Variants in ABCA13 observed in about 807,000 individuals in gnomAD.
ABCA13 encodes ATP binding cassette subfamily A member 13.
A neutral mutation model predicts 478.7 loss-of-function variants in ABCA13; 476 were observed. The observed-to-expected ratio is 0.99, with a 90% CI of 0.92 to 1.07. The LOEUF (loss-of-function observed/expected upper bound fraction) is 1.07. Ranked by LOEUF, ABCA13 falls within the 50% of genes least tolerant of loss-of-function variation. ABCA13 has a pLI of 0.00. For missense variants in ABCA13, 6,060 were observed against 5,910.6 expected (o/e 1.03, Z -0.83); for synonymous variants, 2,252 against 2,158.9 (o/e 1.04, Z -1.20).
chr7:48,354,689 TGAA>T (rs1415092157), intron 31 of ABCA13, among the ~76,000 whole-genome samples: 2 of 152,082 alleles, frequency 1.3e-5, no homozygotes, highest in Non-Finnish European at 2.9e-5. Flanking sequence ...TTGAGAAAGA[TGAA>T]GAAGTATTTT....
intron 55 of ABCA13, among the ~76,000 whole-genome samples, chr7:48,571,222 A>G (rs1158974383): frequency 6.6e-6 from 1 of 152,206 alleles, no homozygotes; most frequent in Non-Finnish European, 1.5e-5. Context: ...TACAAGAAAC[A>G]CGTACATTTA....
At chr7:48,535,737 CAG>C (rs546466697) in intron 55 of ABCA13, among the ~76,000 whole-genome samples, 3 of 152,114 alleles carry the variant, frequency 2.0e-5, no homozygotes, top group African/African-American at 7.2e-5. Flanking sequence ...TTATGTTCCT[CAG>C]GGGATTATGG....
Position 48,350,921 on chromosome 7 carries a change from A to G in ABCA13, c.10381+102A>G, listed in dbSNP as rs548165554. ...AGGTGTCTTATGATAGCTCAGAAAG[A>G]AAAGAAGTCCTTTCCAGATAAAACA... On this transcript the variant is annotated intron_variant, in intron 30 of 61. Coordinates refer to ENST00000435803, the MANE Select transcript of ABCA13 (RefSeq NM_152701.5). The G allele has an allele frequency of 1.5e-5, 18 of 1,191,826 alleles. No homozygotes were observed. In the African/African-American group the frequency reaches 1.9e-4, roughly 12 times the overall value. 73.8% of individuals were successfully genotyped at this position (1,191,826 alleles called of 1,614,324 possible).
intron 48 of ABCA13, among the ~76,000 whole-genome samples, chr7:48,501,603 A>G (rs1830752223): frequency 6.6e-6 from 1 of 152,176 alleles, no homozygotes; most frequent in Non-Finnish European, 1.5e-5. Flanking sequence ...GTGGGGGTTC[A>G]GGTATTTGCA....
chr7:48,192,678 T>C (rs1230451158), intron 1 of ABCA13, among the ~76,000 whole-genome samples: 1 of 152,238 alleles, frequency 6.6e-6, no homozygotes, highest in Non-Finnish European at 1.5e-5. Flanking sequence ...AAGTTATTTA[T>C]TTCTTTAATT....
At chr7:48,435,609 AT>A (rs1401677587) in intron 42 of ABCA13, among the ~76,000 whole-genome samples, 1 of 151,672 alleles carries the variant, frequency 6.6e-6, no homozygotes, top group Non-Finnish European at 1.5e-5. Context: ...TAGAGGAAAC[AT>A]TTTTAGTCTT....
chr7:48,219,219 T>A (rs1786966144), intron 3 of ABCA13, 135 bp from the exon 4 acceptor site: 1 of 808,794 alleles, frequency 1.2e-6, no homozygotes, highest in Non-Finnish European at 1.8e-6. Flanking sequence ...TGAAATGGGC[T>A]CTCAGGGTAG....
rs1029179517 is a variant in ABCA13, at chr7:48,541,694, T to C, written c.14354+13349T>C. 4.9e-5 allele frequency among the ~76,000 whole-genome samples: 7 copies of C among 142,516 alleles called. No homozygotes were observed. The East Asian group carries it at 1.4e-3, about 29-fold the overall frequency. 93.5% of individuals were successfully genotyped at this position (142,516 alleles called of 152,430 possible). A position where few individuals can be genotyped will look rare whatever the true frequency, so the allele number is the denominator to read the frequency against. On this transcript the variant is annotated intron_variant, in intron 55 of 61. Coordinates refer to ENST00000435803, the MANE Select transcript of ABCA13 (RefSeq NM_152701.5). ...AATCAATGAGACAGAACATAAAATA[T>C]TTTAAAAGGGAGAAGAAAAAGAGAT...
chr7:48,494,908 T>A (rs1408265945), intron 48 of ABCA13, among the ~76,000 whole-genome samples: 1 of 152,122 alleles, frequency 6.6e-6, no homozygotes, highest in Admixed American at 6.6e-5. Context: ...ACATGCAGTA[T>A]TCTCTAAGAA....
Position 48,352,356 on chromosome 7 carries a change from A to C in ABCA13, c.10557A>C (p.Lys3519Asn), listed in dbSNP as rs746677896. 1 of 1,613,730 alleles carries C rather than the reference A, an allele frequency of 6.2e-7. No homozygotes were observed. Among genetic ancestry groups the C allele is most frequent in the South Asian group, 1.1e-5 (1 of 91,080 alleles). The change falls in exon 31 of 62, where the codon AAA (lysine) becomes AAC (asparagine). Residue 3519 changes from lysine (K) to asparagine (N), a missense_variant. Transcript: ENST00000435803. The part of the protein sequence containing the change: ...HPQNLPADGF[K>N]YNYVFAPLQD... ...AGAATCTACCAGCTGATGGGTTCAA[A>C]TATAACTACGTCTTTGCCCCACTGC...
intron 59 of ABCA13, among the ~76,000 whole-genome samples, chr7:48,634,824 G>A (rs1355298773): frequency 6.6e-6 from 1 of 152,028 alleles, no homozygotes; most frequent in African/African-American, 2.4e-5. Flanking sequence ...TTGGAATGTT[G>A]TCCCTTCATT....
intron 3 of ABCA13, among the ~76,000 whole-genome samples, chr7:48,201,243 C>T (rs1798661736): frequency 1.3e-5 from 2 of 152,216 alleles, no homozygotes; most frequent in Admixed American, 1.3e-4. Context: ...TACTTAAGAT[C>T]TTTAATTTAT....
At chr7:48,353,531 T>C (rs2128988328) in intron 31 of ABCA13, among the ~76,000 whole-genome samples, 1 of 151,372 alleles carries the variant, frequency 6.6e-6, no homozygotes, top group East Asian at 2.0e-4. Context: ...TAACAACTCA[T>C]GGCACCTCCC....
chr7:48,268,659 G>C (rs1293581380), intron 15 of ABCA13, among the ~76,000 whole-genome samples: 1 of 152,014 alleles, frequency 6.6e-6, no homozygotes, highest in Non-Finnish European at 1.5e-5. Flanking sequence ...CACGTCCACT[G>C]GACTCTGGTG....
intron 3 of ABCA13, among the ~76,000 whole-genome samples, chr7:48,214,269 A>G (rs1316012412): frequency 6.6e-6 from 1 of 152,184 alleles, no homozygotes; most frequent in East Asian, 1.9e-4. Flanking sequence ...ACATGCTGTA[A>G]ACAGAGGTGC....
intron 42 of ABCA13, among the ~76,000 whole-genome samples, chr7:48,446,304 G>C (rs1824292447): frequency 6.7e-6 from 1 of 150,208 alleles, no homozygotes; most frequent in Non-Finnish European, 1.5e-5. Context: ...CAAAGTTTAT[G>C]TGAAAGATCA....
At chr7:48,390,794 A>G (rs1210093448) in intron 37 of ABCA13, among the ~76,000 whole-genome samples, 2 of 152,190 alleles carry the variant, frequency 1.3e-5, no homozygotes, top group African/African-American at 2.4e-5. Context: ...GCTGAGTGGT[A>G]TCCACCATAT....
intron 57 of ABCA13, among the ~76,000 whole-genome samples, chr7:48,590,493 G>T (rs1200835614): frequency 6.6e-6 from 1 of 151,998 alleles, no homozygotes; most frequent in Non-Finnish European, 1.5e-5. Flanking sequence ...ATTTCCTTTG[G>T]ATACACACAC....
chr7:48,272,198 AGG>A lies in ABCA13; in HGVS notation c.2533_2534del (p.Gly845LysfsTer4). Reference protein sequence around the residue: ...LELWAYGISKGKRAKLENFFT... With the variant: ...LELWAYGISKXKRAKLENFFT... ...AATTATGGGCCTATGGCATTTCAAAAGGAAAAAGAGCTAAATTGGAAAACTTC... is the reference window on the plus strand; with the variant it reads ...AATTATGGGCCTATGGCATTTCAAAAAAAAAGAGCTAAATTGGAAAACTTC... On this transcript the variant is annotated frameshift_variant, in exon 17 of 62. Transcript: ENST00000435803. LOFTEE classifies it high-confidence loss of function. 6.2e-7 allele frequency: 1 copy of A among 1,611,550 alleles called. No individual in the cohort carries two copies. The highest frequency in any genetic ancestry group is 8.5e-7 in the Non-Finnish European group (1 of 1,179,062).
Sources: allele counts gnomAD v4.1 joint callset (sites outside exome capture counted in the v4.1 genomes callset), GRCh38; gene constraint gnomAD v4.1.1; transcripts MANE v1.5; gene names NCBI Gene and HGNC (gene_info 2026-07-23, HGNC 2026-07-21).